Variants in NIBAN1 observed in about 807,000 individuals in gnomAD.
NIBAN1 encodes the protein protein Niban 1.
In NIBAN1, 81 loss-of-function variants were observed where a neutral mutation model predicts 75.1. The ratio of observed to expected loss-of-function variants is 1.08; its 90% CI spans 0.90 to 1.30. The LOEUF (loss-of-function observed/expected upper bound fraction) is 1.30. NIBAN1 is among the 50% of genes most tolerant of loss of function. The probability of loss-of-function intolerance (pLI) is 0.00; values close to 1 mark genes in which losing one functional copy is unlikely to be tolerated. For missense variants in NIBAN1, 1,133 were observed against 1,128.1 expected (o/e 1.00, Z -0.06); for synonymous variants, 436 against 424.8 (o/e 1.03, Z -0.32).
intron 5 of NIBAN1, among the ~76,000 whole-genome samples, chr1:184,842,940 G>A (rs1371375648): frequency 2.0e-5 from 3 of 152,096 alleles, no homozygotes; most frequent in African/African-American, 7.2e-5. Context: ...GGTGATAGTA[G>A]AAGACCATGG....
At chr1:184,899,459 A>C in intron 1 of NIBAN1, 150 bp from the exon 2 acceptor site, 1 of 794,584 alleles carries the variant, frequency 1.3e-6, no homozygotes, top group Non-Finnish European at 1.9e-6. Context: ...TTTCCCAGAT[A>C]TTTGCCAGTA....
intron 6 of NIBAN1, among the ~76,000 whole-genome samples, chr1:184,826,854 G>C (rs939294298): frequency 6.6e-6 from 1 of 152,026 alleles, no homozygotes; most frequent in African/African-American, 2.4e-5. Flanking sequence ...AGTGGGTTAC[G>C]AGTGGCGGGG....
At chr1:184,906,572 G>A (rs1657111995) in intron 1 of NIBAN1, among the ~76,000 whole-genome samples, 1 of 152,166 alleles carries the variant, frequency 6.6e-6, no homozygotes, top group Admixed American at 6.5e-5. Context: ...GGAGGTTGCG[G>A]TGAGCTGAGA....
chr1:184,949,432 C>A (rs1044677903), intron 1 of NIBAN1, among the ~76,000 whole-genome samples: 77 of 152,224 alleles, frequency 5.1e-4, no homozygotes, highest in African/African-American at 1.9e-3. Flanking sequence ...AGAATAACCA[C>A]CACTTATTGA....
At chr1:184,876,817 A>G (rs1656246592) in intron 5 of NIBAN1, among the ~76,000 whole-genome samples, 1 of 152,250 alleles carries the variant, frequency 6.6e-6, no homozygotes, top group African/African-American at 2.4e-5. Context: ...CAAATATTAA[A>G]ACATGCAAAT....
At chr1:184,903,474 C>T (rs1657005747) in intron 1 of NIBAN1, among the ~76,000 whole-genome samples, 3 of 152,046 alleles carry the variant, frequency 2.0e-5, no homozygotes, top group Admixed American at 6.6e-5. Context: ...GTCATGGGGG[C>T]GGATCTCTCA....
intron 12 of NIBAN1, 131 bp from the exon 13 acceptor site, chr1:184,798,321 C>T: frequency 3.6e-6 from 2 of 556,430 alleles, no homozygotes; most frequent in Non-Finnish European, 6.4e-6. Context: ...CATGTTGGCC[C>T]AGGGGCAAAT....
At chr1:184,956,334 G>T (rs1285414326) in intron 1 of NIBAN1, among the ~76,000 whole-genome samples, 1 of 152,144 alleles carries the variant, frequency 6.6e-6, no homozygotes. Flanking sequence ...TTGATCTGGA[G>T]CCTGTAGACC....
At chr1:184,908,639 A>G (rs1170515327) in intron 1 of NIBAN1, among the ~76,000 whole-genome samples, 1 of 152,204 alleles carries the variant, frequency 6.6e-6, no homozygotes, top group East Asian at 1.9e-4. Context: ...TTATGCACAC[A>G]TCTTGTTTCA....
intron 1 of NIBAN1, among the ~76,000 whole-genome samples, chr1:184,973,597 G>C (rs563585219): frequency 2.6e-5 from 4 of 152,270 alleles, no homozygotes; most frequent in Non-Finnish European, 5.9e-5. Context: ...TTCGGTTTGG[G>C]TTTTGTTTTG....
intron 1 of NIBAN1, among the ~76,000 whole-genome samples, chr1:184,969,674 A>G (rs894460122): frequency 6.6e-6 from 1 of 151,686 alleles, no homozygotes; most frequent in Non-Finnish European, 1.5e-5. Context: ...AACAGAGGGC[A>G]ATATCAGGAG....
Position 184,813,922 on chromosome 1 carries a change from T to C in NIBAN1, c.1173+4716A>G, listed in dbSNP as rs114305694. On this transcript the variant is annotated intron_variant, in intron 9 of 13. Coordinates refer to ENST00000367511, the MANE Select transcript of NIBAN1 (RefSeq NM_052966.4). ...AAAATCCCTTACTCACCAAGGTTTT[T>C]ACCAAAAGTAAAAGTTGCTATGAGT... Among the ~76,000 whole-genome samples the C allele has an allele frequency of 8.1e-3, 1,241 of 152,336 alleles. 13 individuals are homozygous for C. The highest frequency in any genetic ancestry group is 0.028 in the African/African-American group (1,158 of 41,582).
At chr1:184,820,955 T>C (rs1571491384) in intron 8 of NIBAN1, among the ~76,000 whole-genome samples, 1 of 152,118 alleles carries the variant, frequency 6.6e-6, no homozygotes, top group Non-Finnish European at 1.5e-5. Flanking sequence ...TTTTTTCCAG[T>C]CCCCCGACAC....
intron 1 of NIBAN1, among the ~76,000 whole-genome samples, chr1:184,965,632 C>T (rs1658763581): frequency 6.6e-6 from 1 of 152,146 alleles, no homozygotes; most frequent in South Asian, 2.1e-4. Context: ...ACAATAGACA[C>T]TGAGCCCTAT....
At chr1:184,972,924 T>C (rs2102098669) in intron 1 of NIBAN1, among the ~76,000 whole-genome samples, 1 of 152,328 alleles carries the variant, frequency 6.6e-6, no homozygotes, top group African/African-American at 2.4e-5. Flanking sequence ...AAATAAAGTC[T>C]TATATAAATG....
Position 184,973,722 on chromosome 1 carries a change from C to T in NIBAN1, c.55+580G>A, listed in dbSNP as rs560952364. ...AGTTACAAAGCACGCCAGTGTTCCT[C>T]TTTTGCTTCGCCCCTCTCCGGGGCG... On this transcript the variant is annotated intron_variant, in intron 1 of 13. Coordinates refer to ENST00000367511, the MANE Select transcript of NIBAN1 (RefSeq NM_052966.4). 3.3e-5 allele frequency among the ~76,000 whole-genome samples: 5 copies of T among 152,352 alleles called. No individual in the cohort carries two copies. In the East Asian group the frequency reaches 7.7e-4, roughly 24 times the overall value.
chr1:184,910,618 G>A (rs1657215946), intron 1 of NIBAN1, among the ~76,000 whole-genome samples: 1 of 152,112 alleles, frequency 6.6e-6, no homozygotes, highest in Non-Finnish European at 1.5e-5. Flanking sequence ...ACATTGTCCA[G>A]AAGCCTTGTG....
chr1:184,889,846 C>T (rs995615358), intron 4 of NIBAN1, among the ~76,000 whole-genome samples: 3 of 152,186 alleles, frequency 2.0e-5, no homozygotes, highest in Admixed American at 6.5e-5. Context: ...GTTTCTCAAC[C>T]TTGGCACTAC....
intron 1 of NIBAN1, among the ~76,000 whole-genome samples, chr1:184,915,377 G>A (rs1657357874): frequency 6.6e-6 from 1 of 152,228 alleles, no homozygotes; most frequent in South Asian, 2.1e-4. Context: ...GCCTGGATCT[G>A]TACAATCGCA....
Sources: allele counts gnomAD v4.1 joint callset (sites outside exome capture counted in the v4.1 genomes callset), GRCh38; gene constraint gnomAD v4.1.1; transcripts MANE v1.5; gene names NCBI Gene and HGNC (gene_info 2026-07-23, HGNC 2026-07-21).